CLSTN1: variants seen among roughly 807,000 people sequenced by gnomAD.
The protein encoded by CLSTN1 is calsyntenin-1.
CLSTN1 carries 28 observed loss-of-function variants against 108.3 expected under a neutral mutation model. The ratio of observed to expected loss-of-function variants is 0.26; its 90% CI spans 0.19 to 0.35. The LOEUF (loss-of-function observed/expected upper bound fraction) is 0.35. Among genes scored for constraint, CLSTN1 ranks in the 10% least tolerant of loss-of-function variants. The pLI is 1.00. For missense variants in CLSTN1, 1,157 were observed against 1,302.6 expected, an observed-to-expected ratio of 0.89 and a Z score of 1.72; for synonymous variants, 524 against 534.9, an observed-to-expected ratio of 0.98 and a Z score of 0.28.
chr1:9,771,511 G>A (rs1418043668), intron 2 of CLSTN1, among the ~76,000 whole-genome samples: 1 of 152,140 alleles, frequency 6.6e-6, no homozygotes, highest in Non-Finnish European at 1.5e-5. Flanking sequence ...CTACTCAGGA[G>A]GCTGAGGCAG....
chr1:9,749,923 G>A lies in CLSTN1; in HGVS notation c.650-10C>T, dbSNP rs1651473649. The A allele has an allele frequency of 1.2e-6, 2 of 1,609,512 alleles. No individual in the cohort carries two copies. Among genetic ancestry groups the A allele is most frequent in the Non-Finnish European group, 8.5e-7 (1 of 1,178,500 alleles). ...GTGTTTTTTATATAACCTTACAGAG[G>A]GCAAAAACAACAGTGAGAGCCAAAA... On this transcript the variant is annotated splice_polypyrimidine_tract_variant and intron_variant, in intron 5 of 18. Coordinates refer to ENST00000377298, the MANE Select transcript of CLSTN1 (RefSeq NM_001009566.3).
At chr1:9,755,375 C>T in intron 3 of CLSTN1, 66 bp from the exon 4 acceptor site, 3 of 1,287,514 alleles carry the variant, frequency 2.3e-6, no homozygotes, top group Non-Finnish European at 3.3e-6. Context: ...TTGCCCTCCT[C>T]CCCCCATCTC....
chr1:9,772,404 C>T (rs1295092158), intron 2 of CLSTN1, among the ~76,000 whole-genome samples: 2 of 152,044 alleles, frequency 1.3e-5, no homozygotes, highest in African/African-American at 4.8e-5. Context: ...ACCTCCTGGA[C>T]TCAAGCAATC....
intron 2 of CLSTN1, among the ~76,000 whole-genome samples, chr1:9,770,346 CAATA>C (rs1396476349): frequency 6.6e-6 from 1 of 152,108 alleles, no homozygotes; most frequent in Non-Finnish European, 1.5e-5. Context: ...GAGAAATACA[CAATA>C]AAATTAAATA....
At chr1:9,731,064 C>G in intron 18 of CLSTN1, 142 bp downstream of exon 18, 4 of 984,472 alleles carry the variant, frequency 4.1e-6, no homozygotes, top group East Asian at 2.4e-5. Flanking sequence ...GGTTTACCCA[C>G]GAAGACACCT....
chr1:9,750,087 C>A, intron 5 of CLSTN1, 174 bp from the exon 6 acceptor site: 1 of 581,126 alleles, frequency 1.7e-6, no homozygotes, highest in South Asian at 2.0e-5. Context: ...CCCTAACACG[C>A]ACTAAATCCA....
intron 1 of CLSTN1, among the ~76,000 whole-genome samples, chr1:9,774,411 C>G (rs1208833362): frequency 2.0e-5 from 3 of 151,724 alleles, no homozygotes; most frequent in Admixed American, 6.6e-5. Context: ...ACTAAAAATA[C>G]AAAAATGAGC....
chr1:9,765,658 T>C (rs1458303214), intron 2 of CLSTN1, among the ~76,000 whole-genome samples: 1 of 151,654 alleles, frequency 6.6e-6, no homozygotes, highest in African/African-American at 2.4e-5. Context: ...GGCAGGTGGA[T>C]CACCTGAGGT....
At chr1:9,739,007 A>T (rs1053104926) in intron 10 of CLSTN1, among the ~76,000 whole-genome samples, 1 of 152,134 alleles carries the variant, frequency 6.6e-6, no homozygotes, top group Non-Finnish European at 1.5e-5. Flanking sequence ...AGGGAGAAAA[A>T]ACTAATCAAA....
chr1:9,788,611 T>A (rs1653606124), intron 1 of CLSTN1, among the ~76,000 whole-genome samples: 1 of 150,830 alleles, frequency 6.6e-6, no homozygotes, highest in Admixed American at 6.7e-5. Flanking sequence ...CTCACGCCTG[T>A]AATCCCAGCA....
intron 1 of CLSTN1, among the ~76,000 whole-genome samples, chr1:9,775,533 G>T (rs1652897276): frequency 6.6e-6 from 1 of 151,896 alleles, no homozygotes; most frequent in African/African-American, 2.4e-5. Context: ...ACGTCCTCCT[G>T]GTAGCCATGA....
rs187710392 is a variant in CLSTN1 at position 9,765,776 on chromosome 1, A to G, written c.214+7496T>C. ...CGGGCGCCTGTAATCCCAGCTACTC[A>G]GGAGGCTGAGGCAGGAGAATCGCTT... On this transcript the variant is annotated intron_variant, in intron 2 of 18. Coordinates refer to ENST00000377298, the MANE Select transcript of CLSTN1 (RefSeq NM_001009566.3). Among the ~76,000 whole-genome samples the G allele has an allele frequency of 3.4e-3, 517 of 151,596 alleles. 1 individual carries two copies. Among genetic ancestry groups the G allele is most frequent in the Non-Finnish European group, 6.2e-3 (420 of 67,822 alleles).
Position 9,756,525 on chromosome 1 carries a change from G to A in CLSTN1, c.215-15C>T. 1 of 1,610,756 alleles carries A rather than the reference G, an allele frequency of 6.2e-7. No homozygotes were observed. Among genetic ancestry groups the A allele is most frequent in the Admixed American group, 1.7e-5 (1 of 59,866 alleles). ...CTCAAAACTCTCTAAAGGGAGAAAA[G>A]ATAAGCCCATGTCAGTAATACAGGA... is the stretch of plus-strand genomic sequence containing the variant. On this transcript the variant is annotated splice_polypyrimidine_tract_variant and intron_variant, in intron 2 of 18. Transcript: ENST00000377298.
At chr1:9,757,187 TTCTGG>T (rs1651855238) in intron 2 of CLSTN1, among the ~76,000 whole-genome samples, 1 of 152,022 alleles carries the variant, frequency 6.6e-6, no homozygotes, top group East Asian at 1.9e-4. Context: ...CTCAGCTAGA[TTCTGG>T]TAACATTCAA....
chr1:9,786,344 G>A (rs1653485326), intron 1 of CLSTN1, among the ~76,000 whole-genome samples: 1 of 151,954 alleles, frequency 6.6e-6, no homozygotes, highest in African/African-American at 2.4e-5. Flanking sequence ...CAATGCAGCT[G>A]TTCTACGAAA....
At chr1:9,796,503 G>A (rs1490701449) in intron 1 of CLSTN1, among the ~76,000 whole-genome samples, 3 of 146,714 alleles carry the variant, frequency 2.0e-5, no homozygotes, top group Non-Finnish European at 3.0e-5. Context: ...ATGAAACCCC[G>A]TCTCTACTAA....
chr1:9,805,866 C>CCA (rs1654485131), intron 1 of CLSTN1, among the ~76,000 whole-genome samples: 1 of 74,868 alleles, frequency 1.3e-5, no homozygotes, highest in Non-Finnish European at 3.0e-5. Flanking sequence ...GACTCTGTCT[C>CCA]AAAAAAAAAA....
intron 1 of CLSTN1, among the ~76,000 whole-genome samples, chr1:9,796,572 A>T (rs1212160433): frequency 2.0e-5 from 3 of 149,122 alleles, no homozygotes; most frequent in Non-Finnish European, 4.4e-5. Flanking sequence ...TAGTCCCAGC[A>T]ACTCAGGAGG....
At position 9,790,233 on chromosome 1, in the gene CLSTN1, G is replaced by A. The variant is rs1173575069; in HGVS notation, c.92-16839C>T. Reference sequence around the variant, plus strand: ...AATGCTTAGGGGTTTCCACAATGTCGCCAATTCTTTTTTCACCTTTAAGTA... The same window carrying A: ...AATGCTTAGGGGTTTCCACAATGTCACCAATTCTTTTTTCACCTTTAAGTA... On this transcript the variant is annotated intron_variant, in intron 1 of 18. Transcript: ENST00000377298. Among the ~76,000 whole-genome samples, 3 of 151,240 alleles carry A rather than the reference G, an allele frequency of 2.0e-5. 1 individual carries two copies. The highest frequency in any genetic ancestry group is 4.0e-4 in the East Asian group (2 of 5,060).
Sources: allele counts gnomAD v4.1 joint callset (sites outside exome capture counted in the v4.1 genomes callset), GRCh38; gene constraint gnomAD v4.1.1; transcripts MANE v1.5; gene names NCBI Gene and HGNC (gene_info 2026-07-23, HGNC 2026-07-21).